The following RIMS2 variants were observed in gnomAD, a reference collection of about 807,000 sequenced individuals.
RIMS2 encodes regulating synaptic membrane exocytosis protein 2.
A neutral mutation model predicts 174.4 loss-of-function variants in RIMS2; 59 were observed. The observed-to-expected ratio is 0.34, with a 90% confidence interval of 0.27 to 0.42. RIMS2 has a LOEUF of 0.42. Ranked by LOEUF, RIMS2 falls within the 10% of genes least tolerant of loss-of-function variation. The probability of loss-of-function intolerance (pLI) is 1.00; values close to 1 mark genes in which losing one functional copy is unlikely to be tolerated. For synonymous variants in RIMS2, 606 were observed against 572.5 expected (o/e 1.06, Z -0.84); for missense variants, 1,620 against 1,666.3 (o/e 0.97, Z 0.48).
chr8:103,645,933 G>T (rs1380305208), intron 1 of RIMS2, among the ~76,000 whole-genome samples: 1 of 152,114 alleles, frequency 6.6e-6, no homozygotes, highest in Non-Finnish European at 1.5e-5. Context: ...GGGTGCAGGT[G>T]GGCTGAGTCT....
At chr8:103,768,266 T>C in intron 3 of RIMS2, 1 of 559,338 alleles carries the variant, frequency 1.8e-6, no homozygotes, top group South Asian at 1.9e-5. Flanking sequence ...CTTGGAGGCA[T>C]TCACCTGCTT....
intron 19 of RIMS2, among the ~76,000 whole-genome samples, chr8:104,200,182 A>T (rs1311484379): frequency 6.6e-6 from 1 of 151,910 alleles, no homozygotes; most frequent in Non-Finnish European, 1.5e-5. Context: ...AAGAAATGAG[A>T]AGCAAAGAGG....
chr8:104,053,656 C>T (rs2096824915), intron 19 of RIMS2, among the ~76,000 whole-genome samples: 1 of 152,120 alleles, frequency 6.6e-6, no homozygotes, highest in Non-Finnish European at 1.5e-5. Context: ...GAGTTTAACA[C>T]TGTATTCGGT....
At chr8:103,791,310 C>T (rs2098496915) in intron 3 of RIMS2, among the ~76,000 whole-genome samples, 2 of 152,158 alleles carry the variant, frequency 1.3e-5, no homozygotes, top group African/African-American at 2.4e-5. Flanking sequence ...AATTTCATAT[C>T]CAGTCAAACT....
chr8:103,839,357 C>T (rs1479197017), intron 3 of RIMS2, among the ~76,000 whole-genome samples: 1 of 152,086 alleles, frequency 6.6e-6, no homozygotes, highest in East Asian at 1.9e-4. Context: ...CTTGAGAATG[C>T]TAATTTTGAT....
chr8:103,884,450 T>C (rs2099187924), intron 3 of RIMS2, among the ~76,000 whole-genome samples: 1 of 151,876 alleles, frequency 6.6e-6, no homozygotes, highest in African/African-American at 2.4e-5. Flanking sequence ...AGTGTGAATA[T>C]TTTGTTAACA....
At chr8:104,086,458 C>T (rs773063209) in intron 19 of RIMS2, among the ~76,000 whole-genome samples, 1 of 151,716 alleles carries the variant, frequency 6.6e-6, no homozygotes, top group Non-Finnish European at 1.5e-5. Context: ...ACTGAGAAAT[C>T]GATAGAAGTA....
In RIMS2 at chr8:103,562,495, A is replaced by C. The variant is rs141055290; in HGVS notation, c.176+61433A>C. On this transcript the variant is annotated intron_variant, in intron 1 of 23. Coordinates refer to ENST00000504942, the Ensembl canonical transcript of RIMS2. Reference sequence around the variant, plus strand: ...TCTCACATCTAGGTCATGCTGATGCAAGAGGTGGGTTCCCATGGTCTTGGG... The same window carrying C: ...TCTCACATCTAGGTCATGCTGATGCCAGAGGTGGGTTCCCATGGTCTTGGG... 6.1e-3 allele frequency among the ~76,000 whole-genome samples: 936 copies of C among 152,292 alleles called. 12 individuals carry two copies. Among genetic ancestry groups the C allele is most frequent in the African/African-American group, 0.021 (887 of 41,564 alleles).
At chr8:103,642,421 C>G (rs530583735) in intron 1 of RIMS2, among the ~76,000 whole-genome samples, 1 of 151,970 alleles carries the variant, frequency 6.6e-6, no homozygotes, top group African/African-American at 2.4e-5. Flanking sequence ...TACAGTATTG[C>G]TACAGTTCCA....
intron 16 of RIMS2, chr8:103,976,442 A>T (rs992481347): frequency 2.0e-5 from 3 of 152,234 alleles, no homozygotes; most frequent in African/African-American, 7.2e-5. Context: ...TGAATGATAT[A>T]GATAATCGGT....
At chr8:104,082,985 C>G (rs1435581157) in intron 19 of RIMS2, among the ~76,000 whole-genome samples, 2 of 152,048 alleles carry the variant, frequency 1.3e-5, no homozygotes, top group South Asian at 2.1e-4. Context: ...TTGTAGTAGT[C>G]CAAGCAAGAG....
intron 19 of RIMS2, among the ~76,000 whole-genome samples, chr8:104,131,756 CAT>C (rs1599590238): frequency 6.6e-6 from 1 of 152,048 alleles, no homozygotes; most frequent in South Asian, 2.1e-4. Flanking sequence ...GAGAGAAAAA[CAT>C]ATGCACAGTG....
At chr8:104,201,360 G>C (rs1391046994) in intron 19 of RIMS2, among the ~76,000 whole-genome samples, 1 of 151,962 alleles carries the variant, frequency 6.6e-6, no homozygotes, top group Non-Finnish European at 1.5e-5. Context: ...TATTTTTTCA[G>C]AACCATCAAA....
intron 3 of RIMS2, among the ~76,000 whole-genome samples, chr8:103,801,211 T>C (rs2098605550): frequency 6.6e-6 from 1 of 152,156 alleles, no homozygotes; most frequent in Admixed American, 6.5e-5. Flanking sequence ...GATCATGAAC[T>C]CCTGAGCTCA....
intron 1 of RIMS2, chr8:103,568,683 G>A: frequency 1.4e-6 from 1 of 695,244 alleles, no homozygotes; most frequent in Admixed American, 1.9e-5. Flanking sequence ...ACAATATGTA[G>A]CAGCTTCATG....
At chr8:104,093,474 C>T (rs761733020) in intron 19 of RIMS2, 25 of 1,593,030 alleles carry the variant, frequency 1.6e-5, no homozygotes, top group Non-Finnish European at 1.9e-5. Context: ...TTAACAGTAT[C>T]GATCAGGATG....
At chr8:104,003,599 A>T (rs1596876326) in intron 17 of RIMS2, among the ~76,000 whole-genome samples, 1 of 152,036 alleles carries the variant, frequency 6.6e-6, no homozygotes, top group Non-Finnish European at 1.5e-5. Flanking sequence ...TTTTTAGTAG[A>T]GATGGTTTTT....
chr8:103,803,411 C>A (rs2098628953), intron 3 of RIMS2, among the ~76,000 whole-genome samples: 1 of 152,030 alleles, frequency 6.6e-6, no homozygotes, highest in East Asian at 1.9e-4. Context: ...CCTTGAAGAC[C>A]TCAAAGAATT....
At chr8:104,227,393 TATATAA>T (rs1285616096) in intron 19 of RIMS2, among the ~76,000 whole-genome samples, 2 of 152,240 alleles carry the variant, frequency 1.3e-5, no homozygotes, top group Non-Finnish European at 2.9e-5. Context: ...TTATTTTCAC[TATATAA>T]ACTACTTGGG....
Sources: gnomAD v4.1 joint callset for allele counts (sites outside exome capture counted in the v4.1 genomes callset) on GRCh38, gnomAD v4.1.1 for gene constraint, MANE v1.5 for transcripts, NCBI Gene and HGNC (gene_info 2026-07-23, HGNC 2026-07-21) for gene names.